The following ZNF568 variants were observed in gnomAD, a reference collection of about 807,000 sequenced individuals.
ZNF568 encodes zinc finger protein 568.
A neutral mutation model predicts 18.1 loss-of-function variants in ZNF568; 11 were observed. The ratio of observed to expected loss-of-function variants is 0.61; its 90% confidence interval spans 0.38 to 1.00. The LOEUF is 1.00. ZNF568 is among the 50% of genes least tolerant of loss of function. The pLI, the probability that ZNF568 is intolerant of heterozygous loss-of-function variation, is 0.01. For synonymous variants in ZNF568, 213 were observed against 246.6 expected (o/e 0.86, Z 1.28); for missense variants, 639 against 768.2 (o/e 0.83, Z 1.99).
At chr19:36,930,952 T>C (rs2073677357) in intron 4 of ZNF568, among the ~76,000 whole-genome samples, 1 of 152,176 alleles carries the variant, frequency 6.6e-6, no homozygotes, top group African/African-American at 2.4e-5. Flanking sequence ...CAGTCAGAAA[T>C]GTGTCAGTCA....
At chr19:36,991,054 C>A (rs1030799437) in intron 2 of ZNF568, 2 of 1,026,552 alleles carry the variant, frequency 1.9e-6, no homozygotes, top group Non-Finnish European at 2.8e-6. Flanking sequence ...GTTGAAGGAG[C>A]CAGTATGGCC....
At chr19:36,925,327 T>C in intron 4 of ZNF568, 69 bp downstream of exon 4, 2 of 1,307,678 alleles carry the variant, frequency 1.5e-6, no homozygotes, top group Non-Finnish European at 2.2e-6. Context: ...TCTTGTAACC[T>C]ACCAATGTGT....
chr19:36,946,975 G>A (rs987450751), intron 6 of ZNF568, among the ~76,000 whole-genome samples: 5 of 150,984 alleles, frequency 3.3e-5, no homozygotes, highest in African/African-American at 1.2e-4. Context: ...GGACTATACT[G>A]TAGAATGGTT....
intron 6 of ZNF568, among the ~76,000 whole-genome samples, chr19:36,966,668 T>C (rs1330417585): frequency 1.3e-5 from 2 of 152,178 alleles, no homozygotes; most frequent in Non-Finnish European, 2.9e-5. Context: ...GTGTGGACAT[T>C]GAAGAGGGAC....
At chr19:36,977,783 G>A (rs2074298009) in intron 7 of ZNF568, among the ~76,000 whole-genome samples, 2 of 152,202 alleles carry the variant, frequency 1.3e-5, no homozygotes, top group African/African-American at 4.8e-5. Flanking sequence ...CCCTGCTAAT[G>A]GGAGGCTGTG....
At chr19:36,920,822 A>G (rs1411266915) in intron 2 of ZNF568, among the ~76,000 whole-genome samples, 1 of 151,978 alleles carries the variant, frequency 6.6e-6, no homozygotes, top group Non-Finnish European at 1.5e-5. Context: ...CAGTTCTGCA[A>G]GTTTCATTCA....
chr19:36,984,618 A>T (rs1222351287), downstream of ZNF568, among the ~76,000 whole-genome samples: 1 of 151,678 alleles, frequency 6.6e-6, no homozygotes, highest in East Asian at 1.9e-4. Flanking sequence ...TTACATGTCA[A>T]GCTCTCCATC....
At chr19:36,959,321 T>C (rs1211207463) in intron 6 of ZNF568, among the ~76,000 whole-genome samples, 1 of 152,220 alleles carries the variant, frequency 6.6e-6, no homozygotes, top group Non-Finnish European at 1.5e-5. Flanking sequence ...TGTTAACTGA[T>C]TTGCATACAT....
intron 7 of ZNF568, among the ~76,000 whole-genome samples, chr19:36,975,641 C>T (rs529203586): frequency 8.4e-4 from 120 of 142,058 alleles, no homozygotes; most frequent in African/African-American, 2.9e-3. Flanking sequence ...GCCTTGGCCT[C>T]CCAAAGTGCT....
intron 6 of ZNF568, among the ~76,000 whole-genome samples, chr19:36,964,722 G>A (rs1006891173): frequency 3.9e-5 from 6 of 152,238 alleles, no homozygotes; most frequent in East Asian, 3.9e-4. Flanking sequence ...AGGCTGAGGT[G>A]GGAGGATCCT....
At chr19:36,918,879 C>T (rs560134287) in intron 2 of ZNF568, among the ~76,000 whole-genome samples, 15 of 152,266 alleles carry the variant, frequency 9.9e-5, no homozygotes, top group African/African-American at 3.6e-4. Context: ...TAAGCAGAAT[C>T]ATATGTTGTT....
chr19:36,941,604 A>G (rs1422349782), intron 6 of ZNF568, among the ~76,000 whole-genome samples: 1 of 152,242 alleles, frequency 6.6e-6, no homozygotes, highest in Non-Finnish European at 1.5e-5. Flanking sequence ...TTAGATAGAA[A>G]TAAAGGAATT....
At chr19:36,927,311 G>A (rs538541052) in intron 4 of ZNF568, among the ~76,000 whole-genome samples, 6 of 152,036 alleles carry the variant, frequency 3.9e-5, no homozygotes, top group Non-Finnish European at 7.4e-5. Context: ...GATAATCTCT[G>A]TTCAAAGCAT....
At chr19:36,946,266 T>C (rs1190348938) in intron 6 of ZNF568, among the ~76,000 whole-genome samples, 1 of 152,144 alleles carries the variant, frequency 6.6e-6, no homozygotes, top group African/African-American at 2.4e-5. Context: ...TGAGGTTTAG[T>C]AGCATTACCA....
chr19:36,927,252 A>T (rs193198105), intron 4 of ZNF568, among the ~76,000 whole-genome samples: 1 of 152,214 alleles, frequency 6.6e-6, no homozygotes, highest in African/African-American at 2.4e-5. Flanking sequence ...TGAGTTGCCA[A>T]TGTTAATCTT....
chr19:36,937,085 C>A, intron 5 of ZNF568, 62 bp from the exon 6 acceptor site: 1 of 1,543,770 alleles, frequency 6.5e-7, no homozygotes, highest in South Asian at 1.2e-5. Flanking sequence ...TGGACTTAGC[C>A]TAAGATCTGA....
At chr19:36,922,154 G>A (rs2073467674) in intron 2 of ZNF568, among the ~76,000 whole-genome samples, 1 of 152,156 alleles carries the variant, frequency 6.6e-6, no homozygotes, top group Non-Finnish European at 1.5e-5. Context: ...GCGTATTTGG[G>A]CTTGGGTATC....
chr19:36,978,596 A>G (rs2074304376), intron 7 of ZNF568, among the ~76,000 whole-genome samples: 1 of 151,994 alleles, frequency 6.6e-6, no homozygotes, highest in South Asian at 2.1e-4. Context: ...GTAGGTCACT[A>G]TTTTCTTATT....
intron 6 of ZNF568, among the ~76,000 whole-genome samples, chr19:36,963,237 G>A (rs2074168646): frequency 9.9e-6 from 1 of 100,558 alleles, no homozygotes; most frequent in Admixed American, 9.5e-5. Context: ...GGATTGGCTA[G>A]GTAGTATATG....
Sources: allele counts gnomAD v4.1 joint callset (sites outside exome capture counted in the v4.1 genomes callset), GRCh38; gene constraint gnomAD v4.1.1; transcripts MANE v1.5; gene names NCBI Gene and HGNC (gene_info 2026-07-23, HGNC 2026-07-21).